THSD4: variants seen among roughly 807,000 people sequenced by gnomAD.
The protein encoded by THSD4 is thrombospondin type-1 domain-containing protein 4.
Under a neutral mutation model 119.0 loss-of-function variants are expected in THSD4, and 69 were observed. The ratio of observed to expected loss-of-function variants is 0.58; its 90% confidence interval spans 0.48 to 0.71. The LOEUF is 0.71. Ranked by LOEUF, THSD4 falls within the 30% of genes least tolerant of loss-of-function variation. THSD4 has a pLI of 0.00. For synonymous variants in THSD4, 524 were observed against 540.4 expected (o/e 0.97, Z 0.42); for missense variants, 1,393 against 1,391.1 (o/e 1.00, Z -0.02).
chr15:71,204,273 G>A lies in THSD4; in HGVS notation c.100-10762G>A, dbSNP rs939604116. On this transcript the variant is annotated intron_variant, in intron 3 of 17. Transcript: ENST00000261862. ...CAATTTCAGAAAGAAGAGTGTTTCC[G>A]ATTATGCAGATCACATCCAAATATT... Among the ~76,000 whole-genome samples the A allele has an allele frequency of 6.6e-5, 10 of 152,178 alleles. No homozygotes were observed. The South Asian group carries it at 1.5e-3, about 22-fold the overall frequency.
chr15:71,116,057 G>A (rs1008501105), intron 1 of THSD4, among the ~76,000 whole-genome samples: 1 of 152,224 alleles, frequency 6.6e-6, no homozygotes, highest in South Asian at 2.1e-4. Context: ...CCCGGGTCGG[G>A]TCGGAGGGGA....
rs1361397199 is a variant in THSD4 at position 71,783,276 on chromosome 15, C to G, written c.*5902C>G. On this transcript the variant is annotated 3_prime_UTR_variant, in exon 18 of 18. Coordinates refer to ENST00000261862, the MANE Select transcript of THSD4 (RefSeq NM_024817.3). ...AGATACAATAAACCGGTTGAAATAT[C>G]TGCTTTGTTGACAAGCGTGTGCTTT... The G allele has an allele frequency of 6.6e-6, 1 of 152,178 alleles. No individual in the cohort carries two copies. Among genetic ancestry groups the G allele is most frequent in the African/African-American group, 2.4e-5 (1 of 41,448 alleles). The allele number at this position is 152,178 out of a possible 1,614,324, so 9.4% of individuals were successfully genotyped here.
chr15:71,719,301 T>G (rs1193313543), intron 8 of THSD4, among the ~76,000 whole-genome samples: 2 of 152,186 alleles, frequency 1.3e-5, no homozygotes. Flanking sequence ...TTTTAGAAAC[T>G]CACACAGGTT....
chr15:71,771,313 G>C, intron 17 of THSD4, 105 bp downstream of exon 17: 1 of 1,419,472 alleles, frequency 7.0e-7, no homozygotes, highest in Non-Finnish European at 9.7e-7. Flanking sequence ...CTGTGACCTT[G>C]CACACAGTCA....
intron 7 of THSD4, among the ~76,000 whole-genome samples, chr15:71,414,937 A>G (rs1289979025): frequency 2.0e-5 from 3 of 152,254 alleles, no homozygotes; most frequent in Non-Finnish European, 4.4e-5. Context: ...TTAAATAATC[A>G]GAAGTACATT....
chr15:71,590,566 G>T (rs1386560249), intron 7 of THSD4, among the ~76,000 whole-genome samples: 1 of 115,856 alleles, frequency 8.6e-6, no homozygotes, highest in South Asian at 3.4e-4. Context: ...GGGTGGGTGG[G>T]GGGAGGGAGA....
chr15:71,180,815 G>A (rs892175123), intron 3 of THSD4, among the ~76,000 whole-genome samples: 1 of 152,136 alleles, frequency 6.6e-6, no homozygotes, highest in Non-Finnish European at 1.5e-5. Flanking sequence ...ACCTTCCAGG[G>A]TGTTGGAAAT....
intron 7 of THSD4, among the ~76,000 whole-genome samples, chr15:71,455,732 A>G (rs1367800382): frequency 6.6e-6 from 1 of 152,168 alleles, no homozygotes; most frequent in Non-Finnish European, 1.5e-5. Flanking sequence ...AATTAGAAGC[A>G]CTGAGGAGGG....
At chr15:71,708,540 A>G (rs567024137) in intron 8 of THSD4, among the ~76,000 whole-genome samples, 2 of 152,350 alleles carry the variant, frequency 1.3e-5, no homozygotes, top group African/African-American at 4.8e-5. Context: ...AGGGTATATC[A>G]TTTAAGTGTC....
At chr15:71,687,321 T>G (rs2141042643) in intron 8 of THSD4, among the ~76,000 whole-genome samples, 1 of 152,334 alleles carries the variant, frequency 6.6e-6, no homozygotes, top group East Asian at 1.9e-4. Context: ...TTAGAAGTTA[T>G]GGGATATTTG....
At chr15:71,609,425 A>G (rs1308995412) in intron 7 of THSD4, among the ~76,000 whole-genome samples, 1 of 152,196 alleles carries the variant, frequency 6.6e-6, no homozygotes, top group Admixed American at 6.5e-5. Flanking sequence ...CAGAGGTAAC[A>G]GACTTCCAGG....
chr15:71,239,446 G>T (rs969965307), intron 4 of THSD4, among the ~76,000 whole-genome samples: 2 of 152,142 alleles, frequency 1.3e-5, no homozygotes, highest in Non-Finnish European at 2.9e-5. Flanking sequence ...CTAGCAAGTA[G>T]CAGAGCTGGG....
intron 3 of THSD4, among the ~76,000 whole-genome samples, chr15:71,163,549 A>T (rs565594834): frequency 9.9e-5 from 15 of 152,278 alleles, no homozygotes; most frequent in African/African-American, 3.4e-4. Flanking sequence ...AAGAAAAATC[A>T]TTCAAATAAA....
intron 11 of THSD4, among the ~76,000 whole-genome samples, chr15:71,741,106 A>C (rs907129195): frequency 5.9e-5 from 9 of 152,196 alleles, no homozygotes; most frequent in Admixed American, 1.3e-4. Flanking sequence ...TAGATTTTAC[A>C]TCTTTATTGT....
intron 7 of THSD4, among the ~76,000 whole-genome samples, chr15:71,530,265 G>A (rs970812272): frequency 3.9e-5 from 6 of 152,174 alleles, no homozygotes; most frequent in Non-Finnish European, 7.3e-5. Context: ...AGCACACTCA[G>A]TGCCAAGATT....
At chr15:71,377,900 A>ACC (rs1468912646) in intron 6 of THSD4, among the ~76,000 whole-genome samples, 38,598 of 119,934 alleles carry the variant, frequency 0.32, 5,577 homozygotes, top group Middle Eastern at 0.43. Flanking sequence ...ACACACACAC[A>ACC]CACACACACA....
chr15:71,398,519 GGGA>G (rs558346386), intron 6 of THSD4, among the ~76,000 whole-genome samples: 158 of 152,256 alleles, frequency 1.0e-3, no homozygotes, highest in African/African-American at 3.4e-3. Flanking sequence ...AGGAGTGAAA[GGGA>G]GGAGGAGAAC....
At chr15:71,334,607 C>T (rs574937616) in intron 6 of THSD4, among the ~76,000 whole-genome samples, 9 of 152,336 alleles carry the variant, frequency 5.9e-5, no homozygotes, top group East Asian at 5.8e-4. Flanking sequence ...GGCCAAATAA[C>T]GCTGAAATTG....
intron 1 of THSD4, among the ~76,000 whole-genome samples, chr15:71,109,873 C>G (rs1015336303): frequency 3.3e-5 from 5 of 152,300 alleles, no homozygotes; most frequent in Middle Eastern, 6.8e-3. Flanking sequence ...AAGCCATGAA[C>G]TTGGAGACCG....
Sources: allele counts gnomAD v4.1 joint callset (sites outside exome capture counted in the v4.1 genomes callset), GRCh38; gene constraint gnomAD v4.1.1; transcripts MANE v1.5; gene names NCBI Gene and HGNC (gene_info 2026-07-23, HGNC 2026-07-21).